HYAL4: variants seen among roughly 807,000 people sequenced by gnomAD.
HYAL4 encodes the protein hyaluronidase-4.
In HYAL4, 37 loss-of-function variants were observed where a neutral mutation model predicts 35.2. That is an observed-to-expected ratio of 1.05 (90% CI 0.81 to 1.38). The LOEUF (loss-of-function observed/expected upper bound fraction) is 1.38. HYAL4 is among the 40% of genes most tolerant of loss of function. The pLI is 0.00. For synonymous variants in HYAL4, 198 were observed against 203.2 expected (o/e 0.97, Z 0.22); for missense variants, 572 against 572.4 (o/e 1.00, Z 0.01).
chr7:123,784,687 A>G, the HYAL4 span, among the ~76,000 whole-genome samples: 2 of 152,232 alleles, frequency 1.3e-5, no homozygotes, highest in African/African-American at 2.4e-5. Context: ...GTTTTGCTAC[A>G]AATAAATTTG....
At chr7:123,765,483 G>A in the HYAL4 span, among the ~76,000 whole-genome samples, 1 of 151,910 alleles carries the variant, frequency 6.6e-6, no homozygotes, top group Non-Finnish European at 1.5e-5. Flanking sequence ...GGTATGAAAG[G>A]GAATTTAAGG....
chr7:123,767,818 C>T, the HYAL4 span, among the ~76,000 whole-genome samples: 1 of 152,062 alleles, frequency 6.6e-6, no homozygotes, highest in Non-Finnish European at 1.5e-5. Flanking sequence ...GTTTGTTTAC[C>T]AGTGGTAGGG....
intron 2 of HYAL4, among the ~76,000 whole-genome samples, chr7:123,857,665 G>C (rs373184163): frequency 6.0e-4 from 57 of 95,576 alleles, no homozygotes; most frequent in South Asian, 4.5e-3. Context: ...TTCTTTCTTT[G>C]TTTGTTTCTT....
At chr7:123,781,470 TATGCTGAA>T in the HYAL4 span, among the ~76,000 whole-genome samples, 3 of 142,558 alleles carry the variant, frequency 2.1e-5, no homozygotes, top group Non-Finnish European at 4.6e-5. Flanking sequence ...GGATCCTCCA[TATGCTGAA>T]CGCTGGTTCC....
intron 1 of HYAL4, among the ~76,000 whole-genome samples, chr7:123,833,334 A>G (rs757839567): frequency 6.6e-6 from 1 of 152,114 alleles, no homozygotes; most frequent in Non-Finnish European, 1.5e-5. Flanking sequence ...ATCATTAGTG[A>G]TATTGAACAT....
the HYAL4 span, among the ~76,000 whole-genome samples, chr7:123,771,275 C>T: frequency 1.3e-5 from 2 of 152,100 alleles, no homozygotes; most frequent in Non-Finnish European, 2.9e-5. Flanking sequence ...AAATTATTTC[C>T]TCACTATTCA....
chr7:123,858,651 T>C (rs1806511619), intron 2 of HYAL4, among the ~76,000 whole-genome samples: 1 of 152,192 alleles, frequency 6.6e-6, no homozygotes, highest in Non-Finnish European at 1.5e-5. Context: ...GTTGAGACTT[T>C]AGTTGATAAG....
At chr7:123,852,596 A>G (rs960733770) in intron 2 of HYAL4, among the ~76,000 whole-genome samples, 6 of 152,030 alleles carry the variant, frequency 3.9e-5, no homozygotes, top group Admixed American at 2.0e-4. Context: ...ATTGGTCTAT[A>G]TATTTGTTTT....
At chr7:123,831,292 C>T (rs146919425) in intron 1 of HYAL4, among the ~76,000 whole-genome samples, 34 of 152,328 alleles carry the variant, frequency 2.2e-4, no homozygotes, top group African/African-American at 7.9e-4. Flanking sequence ...AGCATGAAAG[C>T]CCTCACCAGA....
At chr7:123,844,337 G>C (rs538049848), upstream of HYAL4, 15 of 152,358 alleles carry the variant, frequency 9.8e-5, no homozygotes, top group African/African-American at 3.1e-4. Flanking sequence ...CTGCAGAACC[G>C]CAAGTATTGC....
chr7:123,807,305 T>G, the HYAL4 span, among the ~76,000 whole-genome samples: 2 of 152,086 alleles, frequency 1.3e-5, no homozygotes, highest in African/African-American at 4.8e-5. Context: ...TATTATCTCT[T>G]TGAGAAAACT....
intron 2 of HYAL4, among the ~76,000 whole-genome samples, chr7:123,857,059 T>C (rs1806454873): frequency 6.6e-6 from 1 of 152,146 alleles, no homozygotes; most frequent in South Asian, 2.1e-4. Flanking sequence ...CATCCCAGGT[T>C]GACTTCAGAT....
At chr7:123,785,310 CT>C in the HYAL4 span, among the ~76,000 whole-genome samples, 1 of 152,158 alleles carries the variant, frequency 6.6e-6, no homozygotes, top group East Asian at 1.9e-4. The surrounding 1 kb of genome is among the most constrained non-coding windows in gnomAD (Gnocchi z 4.5). Context: ...TGGCCTCAAA[CT>C]TTGGGGCTCA....
In HYAL4 at chr7:123,868,401, A is replaced by G. The variant is rs527573179; in HGVS notation, c.128A>G (p.Tyr43Cys). 8.0e-5 allele frequency: 129 copies of G among 1,613,098 alleles called. 2 individuals are homozygous for G. The South Asian group carries it at 1.3e-3, about 16-fold the overall frequency. ...SCLKPARLPI[Y>C]QRKPFIAAWN... ...CTAAAACCTGCTCGACTTCCAATTT[A>G]TCAAAGGAAACCTTTTATAGCTGCT... The change falls in exon 3 of 5, where the codon TAT (tyrosine) becomes TGT (cysteine). Residue 43 changes from tyrosine (Y) to cysteine (C), a missense_variant. Physicochemically the swap from Tyr to Cys is radical, Grantham distance 194. Coordinates refer to ENST00000223026, the MANE Select transcript of HYAL4 (RefSeq NM_012269.3).
At chr7:123,824,072 G>A (rs1024620084), upstream of HYAL4, among the ~76,000 whole-genome samples, 31 of 152,172 alleles carry the variant, frequency 2.0e-4, no homozygotes, top group African/African-American at 5.1e-4. Context: ...AAGAACAGGA[G>A]TCCTGTGATG....
chr7:123,857,677 C>CTCTTCCTTTG (rs1806480378), intron 2 of HYAL4, among the ~76,000 whole-genome samples: 1 of 78,848 alleles, frequency 1.3e-5, no homozygotes, highest in South Asian at 4.4e-4. Context: ...TTGTTTCTTT[C>CTCTTCCTTTG]TTTCTTTCTT....
chr7:123,790,675 G>A, the HYAL4 span: 8 of 144,842 alleles, frequency 5.5e-5, no homozygotes, highest in African/African-American at 1.5e-4. Flanking sequence ...TCTCTGTATC[G>A]TTCCAATTTT....
At position 123,868,842 on chromosome 7, in the gene HYAL4, C is replaced by A. The variant is rs1275660933; in HGVS notation, c.569C>A (p.Thr190Asn). 6.2e-7 allele frequency: 1 copy of A among 1,613,988 alleles called. No homozygotes were observed. The highest frequency in any genetic ancestry group is 1.7e-5 in the Admixed American group (1 of 59,992). Residue 190 changes from threonine to asparagine, a missense_variant, in exon 3 of 5, where the codon ACC (threonine) becomes AAC (asparagine). By Grantham distance (65) the Thr-to-Asn change is moderately conservative. Transcript: ENST00000223026. The stretch of plus-strand genomic sequence containing the variant: ...GATATTGAATATTTAGCCAAAGTGA[C>A]CTTTGAAGAAAGTGCAAAAGCTTTC... ...ATDIEYLAKV[T>N]FEESAKAFMK...
the HYAL4 span, among the ~76,000 whole-genome samples, chr7:123,781,804 A>T: frequency 1.3e-5 from 2 of 152,226 alleles, no homozygotes; most frequent in Non-Finnish European, 2.9e-5. Flanking sequence ...TATTAAACAA[A>T]GTTTAAGTGG....
Sources: allele counts gnomAD v4.1 joint callset (sites outside exome capture counted in the v4.1 genomes callset), GRCh38; gene constraint gnomAD v4.1.1; non-coding constraint Gnocchi (gnomAD v3.1); transcripts MANE v1.5; gene names NCBI Gene and HGNC (gene_info 2026-07-23, HGNC 2026-07-21).